The following LAMA2 variants were observed in gnomAD, a reference collection of about 807,000 sequenced individuals.
LAMA2 encodes the protein laminin subunit alpha-2.
In LAMA2, 269 loss-of-function variants were observed where a neutral mutation model predicts 364.8. That is an observed-to-expected ratio of 0.74 (90% CI 0.67 to 0.82). LAMA2 has a LOEUF of 0.82. Among genes scored for constraint, LAMA2 ranks in the 40% least tolerant of loss-of-function variants. The pLI, the probability that LAMA2 is intolerant of heterozygous loss-of-function variation, is 0.00. For synonymous variants in LAMA2, 1,379 were observed against 1,370.6 expected, an observed-to-expected ratio of 1.01 and a Z score of -0.14; for missense variants, 3,807 against 3,873.2, an observed-to-expected ratio of 0.98 and a Z score of 0.45.
At chr6:129,019,415 T>C (rs1160418585) in intron 1 of LAMA2, among the ~76,000 whole-genome samples, 1 of 151,714 alleles carries the variant, frequency 6.6e-6, no homozygotes, top group Non-Finnish European at 1.5e-5. Flanking sequence ...CCTTGTTGTA[T>C]TGGTGATTGA....
intron 45 of LAMA2, among the ~76,000 whole-genome samples, chr6:129,446,495 G>C (rs1183852058): frequency 8.1e-6 from 1 of 123,962 alleles, no homozygotes; most frequent in Non-Finnish European, 1.7e-5. Flanking sequence ...TCAAAGGAAG[G>C]AAGTAAGGGA....
chr6:128,888,046 G>A (rs549673736), intron 1 of LAMA2, among the ~76,000 whole-genome samples: 1 of 152,270 alleles, frequency 6.6e-6, no homozygotes, highest in African/African-American at 2.4e-5. Flanking sequence ...TAATCTAGAA[G>A]ATTCGGGTTT....
chr6:129,146,339 A>AGCT (rs1778428697), intron 5 of LAMA2, among the ~76,000 whole-genome samples: 1 of 152,012 alleles, frequency 6.6e-6, no homozygotes, highest in South Asian at 2.1e-4. Context: ...AGATTAAAAT[A>AGCT]ATTAGTAACA....
chr6:129,275,332 A>G (rs1788231003), intron 17 of LAMA2, among the ~76,000 whole-genome samples: 1 of 152,042 alleles, frequency 6.6e-6, no homozygotes, highest in African/African-American at 2.4e-5. Context: ...GGAAAAAACT[A>G]AAGTTCAGAG....
At chr6:129,090,455 C>T (rs1774748480) in intron 3 of LAMA2, among the ~76,000 whole-genome samples, 2 of 152,288 alleles carry the variant, frequency 1.3e-5, no homozygotes, top group South Asian at 2.1e-4. Context: ...ATTCATCACA[C>T]CTGCTTCCAA....
intron 1 of LAMA2, among the ~76,000 whole-genome samples, chr6:128,997,324 G>A (rs758047821): frequency 7.8e-6 from 1 of 127,930 alleles, no homozygotes; most frequent in African/African-American, 2.9e-5. Context: ...CAAAGAGAGA[G>A]AGAGAAAGAA....
At chr6:129,126,447 G>A (rs1340903770) in intron 4 of LAMA2, among the ~76,000 whole-genome samples, 1 of 152,090 alleles carries the variant, frequency 6.6e-6, no homozygotes, top group Non-Finnish European at 1.5e-5. Context: ...AAAATAAAAT[G>A]TTTCTTGAGT....
intron 36 of LAMA2, 111 bp from the exon 37 acceptor site, chr6:129,392,934 T>C: frequency 1.2e-6 from 1 of 867,926 alleles, no homozygotes; most frequent in Admixed American, 2.3e-5. Context: ...TGTTTTCTTA[T>C]TTTCTCATTC....
rs185678279 is a variant in LAMA2 at position 129,377,708 on chromosome 6, G to A, written c.4960-5414G>A. Among the ~76,000 whole-genome samples the A allele has an allele frequency of 1.2e-4, 19 of 152,276 alleles. No homozygotes were observed. In the East Asian group the frequency reaches 1.3e-3, roughly 11 times the overall value. ...AAATGCAAAGGTAGACAGTATCTAA[G>A]CAATGTTATCTATTCAGTAGTTAGG... is the stretch of plus-strand genomic sequence containing the variant. On this transcript the variant is annotated intron_variant, in intron 34 of 64. Transcript: ENST00000421865.
chr6:129,157,566 T>G (rs1309959662), intron 8 of LAMA2: 1 of 1,612,852 alleles, frequency 6.2e-7, no homozygotes, highest in Non-Finnish European at 8.5e-7. Context: ...GGCAAGCGTC[T>G]TCTTAATTCT....
chr6:129,260,486 A>G (rs747548105), intron 14 of LAMA2, among the ~76,000 whole-genome samples: 13 of 151,292 alleles, frequency 8.6e-5, no homozygotes, highest in Non-Finnish European at 1.3e-4. Context: ...ACATTCTCAT[A>G]TCTTTTCAGC....
chr6:129,083,832 G>A (rs748725614), intron 3 of LAMA2, among the ~76,000 whole-genome samples: 1 of 152,162 alleles, frequency 6.6e-6, no homozygotes, highest in Non-Finnish European at 1.5e-5. Context: ...AGTATTTAAC[G>A]AGGCTTAATA....
intron 4 of LAMA2, among the ~76,000 whole-genome samples, chr6:129,115,829 G>A (rs1183803838): frequency 6.6e-6 from 1 of 152,116 alleles, no homozygotes; most frequent in African/African-American, 2.4e-5. Flanking sequence ...ATCTGCCCAC[G>A]TTGGTTGTAT....
At chr6:129,016,889 C>CAT (rs1036012862) in intron 1 of LAMA2, among the ~76,000 whole-genome samples, 1 of 151,264 alleles carries the variant, frequency 6.6e-6, no homozygotes, top group Admixed American at 6.6e-5. Context: ...ATTACATATA[C>CAT]ATATATATAC....
chr6:128,915,383 G>T (rs1384899712), intron 1 of LAMA2, among the ~76,000 whole-genome samples: 6 of 152,228 alleles, frequency 3.9e-5, no homozygotes, highest in Non-Finnish European at 8.8e-5. Context: ...AGGTGTGGGA[G>T]AACAAGGTGA....
At chr6:129,139,137 T>C (rs996133642) in intron 4 of LAMA2, among the ~76,000 whole-genome samples, 3 of 152,064 alleles carry the variant, frequency 2.0e-5, no homozygotes, top group Admixed American at 2.0e-4. Flanking sequence ...AATAGGAGCA[T>C]TGTGGAGGAA....
intron 47 of LAMA2, among the ~76,000 whole-genome samples, chr6:129,456,127 G>A (rs1037664575): frequency 1.9e-4 from 29 of 152,108 alleles, no homozygotes; most frequent in African/African-American, 6.3e-4. Context: ...TGAAACTGAT[G>A]TAAGTGTTGA....
chr6:129,380,281 C>T (rs1055913088), intron 34 of LAMA2, among the ~76,000 whole-genome samples: 4 of 151,852 alleles, frequency 2.6e-5, no homozygotes, highest in African/African-American at 9.7e-5. Context: ...GAGAATGTTC[C>T]AAAAGGAAGT....
At chr6:128,910,921 TGG>T (rs746171125) in intron 1 of LAMA2, among the ~76,000 whole-genome samples, 13 of 151,664 alleles carry the variant, frequency 8.6e-5, no homozygotes, top group Non-Finnish European at 1.6e-4. Context: ...GTGCCCCTGC[TGG>T]GGGGTGCCTC....
Sources: allele counts gnomAD v4.1 joint callset (sites outside exome capture counted in the v4.1 genomes callset), GRCh38; gene constraint gnomAD v4.1.1; transcripts MANE v1.5; gene names NCBI Gene and HGNC (gene_info 2026-07-23, HGNC 2026-07-21).